Variants in CDH18 observed in about 807,000 individuals in gnomAD.
The protein encoded by CDH18 is cadherin-18.
CDH18 carries 31 observed loss-of-function variants against 67.9 expected under a neutral mutation model. The ratio of observed to expected loss-of-function variants is 0.46; its 90% confidence interval spans 0.34 to 0.62. The LOEUF is 0.62. Ranked by LOEUF, CDH18 falls within the 20% of genes least tolerant of loss-of-function variation. The probability of loss-of-function intolerance (pLI) is 0.01; values close to 1 mark genes in which losing one functional copy is unlikely to be tolerated. For synonymous variants in CDH18, 362 were observed against 347.2 expected, an observed-to-expected ratio of 1.04 and a Z score of -0.48; for missense variants, 890 against 975.5, an observed-to-expected ratio of 0.91 and a Z score of 1.17.
intron 2 of CDH18, among the ~76,000 whole-genome samples, chr5:19,865,385 C>G (rs1477045545): frequency 6.6e-6 from 1 of 151,950 alleles, no homozygotes; most frequent in African/African-American, 2.4e-5. Flanking sequence ...AGTTTTGTTA[C>G]TTAAAAAAAA....
rs548567178 is a variant in CDH18, at chr5:19,476,781, C to T, written c.1883-3065G>A. 1.3e-5 allele frequency among the ~76,000 whole-genome samples: 2 copies of T among 152,054 alleles called. 1 individual carries two copies. The highest frequency in any genetic ancestry group is 3.9e-4 in the East Asian group (2 of 5,170). Reference sequence around the variant, plus strand: ...GATGTCAAGGGAATTTATGTGCAGACACAACAGGGAATATGTAATCAATAC... The same window carrying T: ...GATGTCAAGGGAATTTATGTGCAGATACAACAGGGAATATGTAATCAATAC... On this transcript the variant is annotated intron_variant, in intron 12 of 12. Transcript: ENST00000382275.
intron 6 of CDH18, among the ~76,000 whole-genome samples, chr5:19,600,635 T>A (rs1347981479): frequency 1.3e-5 from 2 of 151,830 alleles, no homozygotes; most frequent in Admixed American, 1.3e-4. Flanking sequence ...CATGAAGGTC[T>A]GTCCATTCTT....
chr5:19,513,526 A>G (rs961670467), intron 10 of CDH18, among the ~76,000 whole-genome samples: 1 of 151,892 alleles, frequency 6.6e-6, no homozygotes, highest in African/African-American at 2.4e-5. Context: ...TAAGCTGTGA[A>G]CTCTTCAATG....
intron 5 of CDH18, among the ~76,000 whole-genome samples, chr5:19,703,624 G>A (rs2150491392): frequency 6.6e-6 from 1 of 152,162 alleles, no homozygotes; most frequent in Admixed American, 6.5e-5. Context: ...TGCCTCGAGT[G>A]ACTGCTCTCA....
intron 2 of CDH18, among the ~76,000 whole-genome samples, chr5:20,246,626 G>T (rs189186151): frequency 2.0e-5 from 3 of 152,000 alleles, no homozygotes; most frequent in African/African-American, 7.2e-5. Flanking sequence ...GAAACCAATG[G>T]CTTTGATTAC....
chr5:20,413,496 T>G (rs1013043731), intron 1 of CDH18, among the ~76,000 whole-genome samples: 2 of 152,198 alleles, frequency 1.3e-5, no homozygotes, highest in African/African-American at 2.4e-5. Context: ...TTTTTAATGA[T>G]AGCCCTTCCA....
intron 2 of CDH18, among the ~76,000 whole-genome samples, chr5:19,888,586 A>G (rs1788470336): frequency 6.6e-6 from 1 of 152,092 alleles, no homozygotes; most frequent in East Asian, 1.9e-4. Context: ...AAATAAAATT[A>G]GTGTTTGCAT....
At chr5:19,836,881 C>T (rs1781706127) in intron 3 of CDH18, among the ~76,000 whole-genome samples, 1 of 151,932 alleles carries the variant, frequency 6.6e-6, no homozygotes, top group South Asian at 2.1e-4. Context: ...ATCAGAAATA[C>T]CATTTGACCC....
chr5:19,794,591 T>C (rs4866154), intron 3 of CDH18, among the ~76,000 whole-genome samples: 65,239 of 151,928 alleles, frequency 0.43, 14,619 homozygotes, highest in Middle Eastern at 0.59. Flanking sequence ...CTCTCTCCCC[T>C]AATATTCTAT....
intron 1 of CDH18, among the ~76,000 whole-genome samples, chr5:20,566,355 TTTTTC>T (rs1342843958): frequency 1.5e-5 from 2 of 135,572 alleles, no homozygotes; most frequent in African/African-American, 6.4e-5. Flanking sequence ...ATTTTTTTTC[TTTTTC>T]TTTTTTTTTT....
chr5:19,998,853 G>T (rs751993594), intron 2 of CDH18, among the ~76,000 whole-genome samples: 3 of 152,004 alleles, frequency 2.0e-5, no homozygotes, highest in Non-Finnish European at 4.4e-5. Flanking sequence ...GTTAAGTTTG[G>T]CTATTTGTAA....
intron 5 of CDH18, among the ~76,000 whole-genome samples, chr5:19,624,588 C>T (rs950685303): frequency 2.0e-5 from 3 of 152,126 alleles, no homozygotes; most frequent in Non-Finnish European, 4.4e-5. Flanking sequence ...GAACTTTATA[C>T]ACCCTCCTTC....
At chr5:19,581,721 T>G (rs1365949528) in intron 7 of CDH18, among the ~76,000 whole-genome samples, 2 of 152,064 alleles carry the variant, frequency 1.3e-5, no homozygotes, top group Non-Finnish European at 2.9e-5. Context: ...TCTTAATCAT[T>G]AAATAAAATG....
intron 2 of CDH18, among the ~76,000 whole-genome samples, chr5:20,254,073 C>T (rs2089551): frequency 0.3 from 45,443 of 152,070 alleles, 7,465 homozygotes; most frequent in Non-Finnish European, 0.37. Context: ...AAAAACTTTA[C>T]AAGCCAGAAG....
intron 1 of CDH18, among the ~76,000 whole-genome samples, chr5:20,523,123 G>T (rs944600527): frequency 6.6e-6 from 1 of 152,148 alleles, no homozygotes; most frequent in Non-Finnish European, 1.5e-5. Context: ...TGCATGATAG[G>T]AGTCACTGTC....
At position 20,502,928 on chromosome 5, in the gene CDH18, T is replaced by G. The variant is rs77614523; in HGVS notation, c.-580+72534A>C. 9.4e-3 allele frequency among the ~76,000 whole-genome samples: 1,435 copies of G among 152,196 alleles called. 23 individuals are homozygous for G. Among genetic ancestry groups the G allele is most frequent in the African/African-American group, 0.033 (1,365 of 41,542 alleles). ...CTTAATAGGCACCTCAATGAAAACA[T>G]TAACTATACAATTAAACTTAATATG... On this transcript the variant is annotated intron_variant, in intron 1 of 14. Coordinates refer to the CDH18 transcript ENST00000507958.
chr5:20,022,527 G>C (rs1738519312), intron 2 of CDH18, among the ~76,000 whole-genome samples: 1 of 152,106 alleles, frequency 6.6e-6, no homozygotes, highest in African/African-American at 2.4e-5. Context: ...AACATTTCTT[G>C]CTATTGCTAC....
rs185027372 is a variant in CDH18 at position 20,446,101 on chromosome 5, C to T, written c.-580+129361G>A. ...GAAAAGCCCACTCAGGGAGCAAAAT[C>T]GCAAGTAAATTTTATTATAATGAGC... On this transcript the variant is annotated intron_variant, in intron 1 of 14. Transcript: ENST00000507958. Among the ~76,000 whole-genome samples the T allele has an allele frequency of 2.4e-3, 358 of 152,170 alleles. 1 individual carries two copies. The highest frequency in any genetic ancestry group is 7.8e-3 in the African/African-American group (322 of 41,506).
At chr5:19,867,094 T>C (rs1464459045) in intron 2 of CDH18, among the ~76,000 whole-genome samples, 1 of 151,910 alleles carries the variant, frequency 6.6e-6, no homozygotes, top group Non-Finnish European at 1.5e-5. Context: ...ATCTCAAAAA[T>C]AAATGAATAA....
Sources: allele counts gnomAD v4.1 joint callset (sites outside exome capture counted in the v4.1 genomes callset), GRCh38; gene constraint gnomAD v4.1.1; transcripts MANE v1.5; gene names NCBI Gene and HGNC (gene_info 2026-07-23, HGNC 2026-07-21).